DNAH14: variants seen among roughly 807,000 people sequenced by gnomAD.
DNAH14 encodes axonemal beta dynein heavy chain 14.
Under a neutral mutation model 520.9 loss-of-function variants are expected in DNAH14, and 478 were observed. The observed-to-expected ratio is 0.92, with a 90% confidence interval of 0.85 to 0.99. The LOEUF is 0.99. Among genes scored for constraint, DNAH14 ranks in the 50% least tolerant of loss-of-function variants. The probability of loss-of-function intolerance (pLI) is 0.00; values close to 1 mark genes in which losing one functional copy is unlikely to be tolerated. For synonymous variants in DNAH14, 1,581 were observed against 1,757.2 expected (o/e 0.90, Z 2.51); for missense variants, 4,831 against 5,234.5 (o/e 0.92, Z 2.38).
chr1:225,106,895 C>T (rs1368571860), intron 23 of DNAH14, among the ~76,000 whole-genome samples: 1 of 152,208 alleles, frequency 6.6e-6, no homozygotes, highest in Non-Finnish European at 1.5e-5. Context: ...AAGTCATTCT[C>T]CATCCAGCAT....
At chr1:224,957,810 T>C (rs1285709011) in intron 3 of DNAH14, among the ~76,000 whole-genome samples, 1 of 152,048 alleles carries the variant, frequency 6.6e-6, no homozygotes, top group South Asian at 2.1e-4. Flanking sequence ...AAGAAATGCA[T>C]AGTAAATGAG....
At chr1:225,296,349 C>T (rs1421919044) in intron 55 of DNAH14, among the ~76,000 whole-genome samples, 1 of 152,114 alleles carries the variant, frequency 6.6e-6, no homozygotes, top group Non-Finnish European at 1.5e-5. Flanking sequence ...GGTCAAACAC[C>T]GTGCCTGGCC....
At chr1:225,184,993 A>G (rs141059539) in intron 36 of DNAH14, among the ~76,000 whole-genome samples, 2 of 152,218 alleles carry the variant, frequency 1.3e-5, no homozygotes, top group East Asian at 1.9e-4. Flanking sequence ...TGCTGATGGT[A>G]TGACTCTGTA....
intron 7 of DNAH14, 43 bp from the exon 8 acceptor site, chr1:224,974,048 G>A (rs532921958): frequency 1.7e-5 from 22 of 1,262,506 alleles, no homozygotes; most frequent in African/African-American, 6.1e-5. Flanking sequence ...ATATAAATAC[G>A]TGGTTTATGG....
intron 11 of DNAH14, among the ~76,000 whole-genome samples, chr1:225,024,927 A>G (rs929962977): frequency 1.3e-5 from 2 of 152,124 alleles, no homozygotes; most frequent in Non-Finnish European, 2.9e-5. Context: ...TATCATTTTT[A>G]TATGATTTTT....
At chr1:225,036,982 CTT>C (rs1433776967) in intron 11 of DNAH14, among the ~76,000 whole-genome samples, 1 of 152,182 alleles carries the variant, frequency 6.6e-6, no homozygotes, top group Non-Finnish European at 1.5e-5. Context: ...TAATGACCCT[CTT>C]TGTCTCTTTT....
At chr1:225,233,080 A>G (rs190329322) in intron 42 of DNAH14, among the ~76,000 whole-genome samples, 10 of 152,152 alleles carry the variant, frequency 6.6e-5, no homozygotes, top group African/African-American at 2.4e-4. Context: ...TTCCTGCATT[A>G]GTTTGCTGAG....
Position 225,294,028 on chromosome 1 carries a change from G to A in DNAH14, c.8469+3946G>A, listed in dbSNP as rs375481275. On this transcript the variant is annotated intron_variant, in intron 55 of 85. Transcript: ENST00000682510. The stretch of plus-strand genomic sequence containing the variant: ...TATTTTCTTGTTTTAGCTCTCAGAG[G>A]AAAAGCTTTGAGCTTTTCCCTATTC... 5.3e-5 allele frequency among the ~76,000 whole-genome samples: 8 copies of A among 152,132 alleles called. No homozygotes were observed. In the East Asian group the frequency reaches 5.8e-4, roughly 11 times the overall value.
intron 8 of DNAH14, among the ~76,000 whole-genome samples, chr1:225,001,330 G>A (rs2063757575): frequency 1.3e-5 from 2 of 152,028 alleles, no homozygotes; most frequent in Admixed American, 1.3e-4. Flanking sequence ...TGAAAAGTAT[G>A]TCTATTTCAT....
At chr1:225,095,765 AT>A (rs373212058) in intron 21 of DNAH14, among the ~76,000 whole-genome samples, 25 of 152,304 alleles carry the variant, frequency 1.6e-4, no homozygotes, top group African/African-American at 5.5e-4. Context: ...GATTCTGTTT[AT>A]ATAAAATTCT....
rs1400726130 is a variant in DNAH14, at chr1:225,392,256, A to G, written c.13331-35A>G. The G allele has an allele frequency of 2.6e-6, 4 of 1,549,834 alleles. No homozygotes were observed. In the African/African-American group the frequency reaches 5.5e-5, roughly 21 times the overall value. Reference sequence around the variant, plus strand: ...ACCCCAGCAGGAGGCCCTGAGACTCACAAGGAACTTGATGGTGTGTGTTCT... The same window carrying G: ...ACCCCAGCAGGAGGCCCTGAGACTCGCAAGGAACTTGATGGTGTGTGTTCT... On this transcript the variant is annotated intron_variant, in intron 83 of 85. Transcript: ENST00000682510.
intron 17 of DNAH14, 117 bp from the exon 18 acceptor site, chr1:225,079,088 GAT>G: frequency 1.1e-6 from 1 of 922,968 alleles, no homozygotes. Flanking sequence ...ACTAATACAT[GAT>G]GTTTTAATTA....
rs1377829307 is a variant in DNAH14, at chr1:225,358,664, G to A, written c.11776+12G>A. ...TATTCAAACTCATGGTAAGCTATTTGTGAATAGTTAAGATGATCGATATGG... is the reference window on the plus strand; with the variant it reads ...TATTCAAACTCATGGTAAGCTATTTATGAATAGTTAAGATGATCGATATGG... On this transcript the variant is annotated intron_variant, in intron 74 of 85. Transcript: ENST00000682510. 4 of 1,544,796 alleles carry A rather than the reference G, an allele frequency of 2.6e-6. No individual in the cohort carries two copies. The East Asian group carries it at 9.8e-5, about 38-fold the overall frequency.
intron 11 of DNAH14, among the ~76,000 whole-genome samples, chr1:225,034,213 C>T (rs939236570): frequency 2.0e-5 from 3 of 151,732 alleles, no homozygotes; most frequent in Non-Finnish European, 4.4e-5. Context: ...ATAGATGACT[C>T]ATTATTTTGA....
At chr1:225,300,805 A>C (rs1045905221) in intron 55 of DNAH14, 64 bp from the exon 56 acceptor site, 1 of 1,450,920 alleles carries the variant, frequency 6.9e-7, no homozygotes, top group Non-Finnish European at 9.2e-7. Context: ...CCTCAAATTG[A>C]TGTGGTTAGG....
Position 225,152,848 on chromosome 1 carries a change from C to G in DNAH14, c.5161C>G (p.Leu1721Val). ...TTCACTCTCTGGAAAGCTAACTAACCTTTATGAATTAGCGCGCAAACAGCT... is the reference window on the plus strand; with the variant it reads ...TTCACTCTCTGGAAAGCTAACTAACGTTTATGAATTAGCGCGCAAACAGCT... ...ANSLSGKLTNLYELARKQLSQ... is the reference protein window; with the variant it reads ...ANSLSGKLTNVYELARKQLSQ... The change falls in exon 33 of 86, where the codon CTT (leucine) becomes GTT (valine). Residue 1721 changes from leucine to valine, a missense_variant. By Grantham distance (32) the Leu-to-Val change is conservative. Transcript: ENST00000682510. 1.3e-6 allele frequency: 2 copies of G among 1,550,948 alleles called. No homozygotes were observed. Among genetic ancestry groups the G allele is most frequent in the Non-Finnish European group, 1.7e-6 (2 of 1,146,736 alleles).
chr1:225,151,867 C>T (rs543702418), intron 31 of DNAH14, 138 bp from the exon 32 acceptor site: 1 of 784,470 alleles, frequency 1.3e-6, no homozygotes, highest in African/African-American at 1.7e-5. Context: ...TTTTCTCTCA[C>T]CATTGTTTTT....
At chr1:225,122,322 G>A (rs1387102897) in intron 26 of DNAH14, among the ~76,000 whole-genome samples, 3 of 152,086 alleles carry the variant, frequency 2.0e-5, no homozygotes, top group South Asian at 2.1e-4. Context: ...CCTATATGCC[G>A]TGGTTGCAAC....
intron 1 of DNAH14, 90 bp downstream of exon 1, chr1:224,929,925 T>TGCGTGGGCGCGGAGG (rs2058566616): frequency 1.8e-6 from 1 of 557,770 alleles, no homozygotes; most frequent in Non-Finnish European, 3.1e-6. Flanking sequence ...CTGGGAGGGC[T>TGCGTGGGCGCGGAGG]GCGTGGGCGC....
Sources: gnomAD v4.1 joint callset for allele counts (sites outside exome capture counted in the v4.1 genomes callset) on GRCh38, gnomAD v4.1.1 for gene constraint, MANE v1.5 for transcripts, NCBI Gene and HGNC (gene_info 2026-07-23, HGNC 2026-07-21) for gene names.